The following DMD variants were observed in gnomAD, a reference collection of about 807,000 sequenced individuals.
DMD encodes dystrophin.
Under a neutral mutation model 330.1 loss-of-function variants are expected in DMD, and 63 were observed. That is an observed-to-expected ratio of 0.19 (90% confidence interval 0.16 to 0.24). The LOEUF (loss-of-function observed/expected upper bound fraction) is 0.24, where lower values mean the gene tolerates loss of function less well. DMD is among the 10% of genes least tolerant of loss of function. The pLI, the probability that DMD is intolerant of heterozygous loss-of-function variation, is 1.00. For missense variants in DMD, 3,344 were observed against 2,684.1 expected (o/e 1.25, Z -5.43); for synonymous variants, 1,223 against 959.8 (o/e 1.27, Z -5.07).
intron 42 of DMD, among the ~76,000 whole-genome samples, chrX:32,298,695 T>C (rs1026953461): frequency 3.6e-5 from 4 of 110,751 alleles, no homozygotes; most frequent in African/African-American, 1.3e-4. Context: ...TAGCCATTTC[T>C]ATCACTTAAA....
At chrX:32,574,498 C>A (rs916991830) in intron 13 of DMD, among the ~76,000 whole-genome samples, 2 of 111,477 alleles carry the variant, frequency 1.8e-5, no homozygotes, top group African/African-American at 6.5e-5. Flanking sequence ...TAACATAAAC[C>A]AACTATCAAT....
rs760942976 is a variant in DMD, at chrX:31,875,758, G to C, written c.6913-385C>G. ...ATATGCCATACGCGCTTCCTTTGCA[G>C]TTATAAAAATGAATAAGCCAAGTTA... On this transcript the variant is annotated intron_variant, in intron 47 of 78. Coordinates refer to ENST00000357033, the MANE Select transcript of DMD (RefSeq NM_004006.3). Among the ~76,000 whole-genome samples the C allele has an allele frequency of 2.4e-4, 27 of 112,291 alleles. No homozygotes were observed. The East Asian group carries it at 7.5e-3, about 31-fold the overall frequency.
At chrX:31,333,574 C>T (rs2057259640) in intron 61 of DMD, among the ~76,000 whole-genome samples, 1 of 110,015 alleles carries the variant, frequency 9.1e-6, no homozygotes, top group Admixed American at 9.8e-5. Flanking sequence ...TACTTTCTTT[C>T]CCTTGATAGC....
chrX:32,811,250 T>C (rs898283188), intron 6 of DMD, among the ~76,000 whole-genome samples: 5 of 108,792 alleles, frequency 4.6e-5, no homozygotes, highest in Non-Finnish European at 9.5e-5. Context: ...GAGGCTGAGG[T>C]TGGAGAATCA....
At chrX:33,169,075 C>T (rs1164282270) in intron 1 of DMD, among the ~76,000 whole-genome samples, 10 of 97,092 alleles carry the variant, frequency 1.0e-4, no homozygotes, top group Non-Finnish European at 1.6e-4. Context: ...TTACCTTCAA[C>T]AGTATTGGGG....
At chrX:31,786,416 A>G (rs1375078008) in intron 50 of DMD, among the ~76,000 whole-genome samples, 2 of 111,604 alleles carry the variant, frequency 1.8e-5, no homozygotes, top group African/African-American at 6.5e-5. Context: ...TTTAAAAGAG[A>G]TTTTTTTGAG....
intron 61 of DMD, among the ~76,000 whole-genome samples, chrX:31,343,777 T>C (rs1302795486): frequency 9.0e-6 from 1 of 110,541 alleles, no homozygotes; most frequent in Non-Finnish European, 1.9e-5. Context: ...GGAGCCACCC[T>C]ATTATTATTT....
intron 2 of DMD, among the ~76,000 whole-genome samples, chrX:32,893,968 A>T (rs1212006002): frequency 9.0e-6 from 1 of 110,807 alleles, no homozygotes; most frequent in African/African-American, 3.3e-5. Flanking sequence ...GGCCGGTGCC[A>T]TTCCAGTGTG....
intron 11 of DMD, among the ~76,000 whole-genome samples, chrX:32,638,451 G>T (rs1011958166): frequency 4.5e-5 from 5 of 111,596 alleles, no homozygotes; most frequent in African/African-American, 1.6e-4. Context: ...AACTGATCAG[G>T]GATCACCTGG....
At chrX:32,960,916 T>TAAA (rs59425093) in intron 2 of DMD, among the ~76,000 whole-genome samples, 25 of 68,637 alleles carry the variant, frequency 3.6e-4, no homozygotes, top group Non-Finnish European at 5.2e-4. Context: ...GCACCATTTG[T>TAAA]AAAAAAAAAA....
intron 44 of DMD, among the ~76,000 whole-genome samples, chrX:32,072,684 C>A (rs1224043902): frequency 1.8e-5 from 2 of 111,588 alleles, no homozygotes; most frequent in Non-Finnish European, 1.9e-5. Context: ...GATAAAGTTT[C>A]CTGGTGTGCC....
At chrX:31,673,611 A>C (rs1328820835) in intron 53 of DMD, among the ~76,000 whole-genome samples, 3 of 111,421 alleles carry the variant, frequency 2.7e-5, no homozygotes, top group Non-Finnish European at 5.6e-5. Flanking sequence ...CCATCTCAAA[A>C]AAAGGAAAAA....
intron 68 of DMD, among the ~76,000 whole-genome samples, chrX:31,180,799 C>T (rs937056039): frequency 1.8e-5 from 2 of 111,420 alleles, no homozygotes; most frequent in East Asian, 5.6e-4. Context: ...TTTTGAAAAC[C>T]AAATACTCAA....
intron 1 of DMD, among the ~76,000 whole-genome samples, chrX:33,190,870 TA>T (rs1185616493): frequency 4.7e-3 from 8 of 1,702 alleles, no homozygotes; most frequent in East Asian, 0.25. Context: ...ATATTATATA[TA>T]TATATATAAT....
chrX:32,843,188 G>GACATTTTCTTGCTGGA (rs750114998), intron 4 of DMD, among the ~76,000 whole-genome samples: 183 of 111,100 alleles, frequency 1.6e-3, no homozygotes, highest in African/African-American at 5.6e-3. Context: ...TTCTTGCTGG[G>GACATTTTCTTGCTGGA]GACAGTCAAG....
intron 7 of DMD, among the ~76,000 whole-genome samples, chrX:32,718,174 T>C (rs1057064287): frequency 9.0e-6 from 1 of 111,092 alleles, no homozygotes; most frequent in Non-Finnish European, 1.9e-5. Context: ...GGCAGAACGA[T>C]ATAGTTTGGC....
At chrX:32,281,670 T>A (rs1375399244) in intron 43 of DMD, among the ~76,000 whole-genome samples, 2 of 112,143 alleles carry the variant, frequency 1.8e-5, no homozygotes, top group Non-Finnish European at 3.8e-5. Flanking sequence ...AATAGATTCA[T>A]ACAGTAAGTG....
At chrX:31,235,311 T>C (rs1160587354) in intron 63 of DMD, among the ~76,000 whole-genome samples, 1 of 112,303 alleles carries the variant, frequency 8.9e-6, no homozygotes, top group East Asian at 2.8e-4. Context: ...GTTAATGGCA[T>C]TGGAAATTTC....
intron 59 of DMD, among the ~76,000 whole-genome samples, chrX:31,449,557 T>A (rs1223363291): frequency 9.2e-6 from 1 of 108,146 alleles, no homozygotes; most frequent in Non-Finnish European, 1.9e-5. Flanking sequence ...TACTGTGGAA[T>A]CTAAACTGGA....
Sources: allele counts gnomAD v4.1 joint callset (sites outside exome capture counted in the v4.1 genomes callset), GRCh38; gene constraint gnomAD v4.1.1; transcripts MANE v1.5; gene names NCBI Gene and HGNC (gene_info 2026-07-23, HGNC 2026-07-21).